The following SIRPG variants were observed in gnomAD, a reference collection of about 807,000 sequenced individuals.
SIRPG encodes the protein signal-regulatory protein gamma.
SIRPG carries 38 observed loss-of-function variants against 35.7 expected under a neutral mutation model. The ratio of observed to expected loss-of-function variants is 1.06; its 90% CI spans 0.82 to 1.40. SIRPG has a LOEUF of 1.40. SIRPG is among the 40% of genes most tolerant of loss of function. The pLI, the probability that SIRPG is intolerant of heterozygous loss-of-function variation, is 0.00. For synonymous variants in SIRPG, 215 were observed against 190.4 expected, an observed-to-expected ratio of 1.13 and a Z score of -1.06; for missense variants, 519 against 483.0, an observed-to-expected ratio of 1.07 and a Z score of -0.70.
the SIRPG span, among the ~76,000 whole-genome samples, chr20:1,674,307 G>A: frequency 6.6e-6 from 1 of 151,964 alleles, no homozygotes; most frequent in African/African-American, 2.4e-5. Context: ...GTATCCTTGA[G>A]GCCTGGAGAA....
intron 1 of SIRPG, among the ~76,000 whole-genome samples, chr20:1,650,576 G>A (rs1045189443): frequency 1.6e-4 from 24 of 152,084 alleles, no homozygotes; most frequent in Non-Finnish European, 2.6e-4. Flanking sequence ...ATGGAGTATA[G>A]TATAGAGAAC....
At chr20:1,634,731 C>G (rs1367332599) in intron 4 of SIRPG, among the ~76,000 whole-genome samples, 1 of 152,068 alleles carries the variant, frequency 6.6e-6, no homozygotes, top group Non-Finnish European at 1.5e-5. Context: ...CCCCTGCCTG[C>G]CTCTTTGCTC....
chr20:1,643,922 G>A (rs752362059), intron 2 of SIRPG, among the ~76,000 whole-genome samples: 16 of 152,108 alleles, frequency 1.1e-4, no homozygotes, highest in Middle Eastern at 3.2e-3. Context: ...GCTGGAGAAC[G>A]GCAAAGATGG....
chr20:1,643,405 T>C (rs1471045673), intron 2 of SIRPG, among the ~76,000 whole-genome samples: 1 of 152,160 alleles, frequency 6.6e-6, no homozygotes, highest in Non-Finnish European at 1.5e-5. Context: ...TTGTGCTACG[T>C]TTTTTAGCTC....
At chr20:1,640,370 A>G (rs2091842674) in intron 2 of SIRPG, among the ~76,000 whole-genome samples, 1 of 152,046 alleles carries the variant, frequency 6.6e-6, no homozygotes, top group Non-Finnish European at 1.5e-5. Context: ...CTTTGTACCA[A>G]TTGTGAATGG....
intron 1 of SIRPG, among the ~76,000 whole-genome samples, chr20:1,649,740 G>T (rs1390308836): frequency 6.9e-6 from 1 of 144,526 alleles, no homozygotes; most frequent in Non-Finnish European, 1.5e-5. Flanking sequence ...AGGTTCAAGT[G>T]ATCCTCCTAC....
At chr20:1,651,965 A>G (rs1232772864) in intron 1 of SIRPG, among the ~76,000 whole-genome samples, 3 of 152,216 alleles carry the variant, frequency 2.0e-5, no homozygotes, top group Non-Finnish European at 4.4e-5. Flanking sequence ...GCCAGTGGCA[A>G]TGTATTCTAC....
chr20:1,649,943 T>G (rs1038549518), intron 1 of SIRPG, among the ~76,000 whole-genome samples: 1 of 145,006 alleles, frequency 6.9e-6, no homozygotes, highest in Non-Finnish European at 1.5e-5. Context: ...GGGATTCAAT[T>G]TCAAGGTAGA....
intron 2 of SIRPG, chr20:1,648,494 C>T (rs934739964): frequency 6.6e-6 from 1 of 151,758 alleles, no homozygotes; most frequent in Non-Finnish European, 1.5e-5. Flanking sequence ...TGAATTTCTC[C>T]TCATTAGAAT....
the SIRPG span, among the ~76,000 whole-genome samples, chr20:1,667,580 A>G: frequency 6.6e-6 from 1 of 152,236 alleles, no homozygotes; most frequent in Non-Finnish European, 1.5e-5. Context: ...CGGGTTGTTC[A>G]TAAGGATAAG....
chr20:1,640,791 C>T (rs1014203691), intron 2 of SIRPG, among the ~76,000 whole-genome samples: 1 of 152,074 alleles, frequency 6.6e-6, no homozygotes, highest in Non-Finnish European at 1.5e-5. Flanking sequence ...CCGTTAATAC[C>T]TAATTTATTG....
chr20:1,659,116 AC>A (rs767207334), upstream of SIRPG, among the ~76,000 whole-genome samples: 19 of 152,362 alleles, frequency 1.2e-4, no homozygotes, highest in African/African-American at 3.4e-4. Flanking sequence ...AAGCAAAAAA[AC>A]ATGGCTATAA....
chr20:1,681,808 C>T, the SIRPG span, among the ~76,000 whole-genome samples: 7 of 152,092 alleles, frequency 4.6e-5, no homozygotes, highest in African/African-American at 1.7e-4. Context: ...TGCACTCCAG[C>T]CTGGGTGACA....
the SIRPG span, among the ~76,000 whole-genome samples, chr20:1,676,033 G>C: frequency 2.6e-5 from 4 of 152,286 alleles, no homozygotes; most frequent in South Asian, 8.3e-4. Context: ...ATGGCAAAGA[G>C]GAGTGAGCAC....
At position 1,630,187 on chromosome 20, in the gene SIRPG, C is replaced by T. The variant is rs1310547134; in HGVS notation, c.*2+35G>A. 4 of 1,492,702 alleles carry T rather than the reference C, an allele frequency of 2.7e-6. No homozygotes were observed. In the East Asian group the frequency reaches 7.4e-5, roughly 27 times the overall value. The allele number at this position is 1,492,702 out of a possible 1,614,324, so 92.5% of individuals were successfully genotyped here. On this transcript the variant is annotated intron_variant, in intron 5 of 5. Transcript: ENST00000303415. ...TCCTGTTGGCCTTGCCCTTCTGAGA[C>T]AGCCCTTGGTCTGTCCTCCCTTCCT...
the SIRPG span, among the ~76,000 whole-genome samples, chr20:1,677,895 G>A: frequency 6.6e-6 from 1 of 152,140 alleles, no homozygotes; most frequent in Admixed American, 6.6e-5. Context: ...ATTGAATTTA[G>A]TATTTTTGCT....
rs1188935483 is a variant in SIRPG, at chr20:1,649,351, G to T, written c.131C>A (p.Thr44Lys). 1.2e-6 allele frequency: 2 copies of T among 1,613,816 alleles called. No homozygotes were observed. Among genetic ancestry groups the T allele is most frequent in the Admixed American group, 3.3e-5 (2 of 59,984 alleles). Reference protein sequence around the residue: ...MIQPEKLLLVTVGKTATLHCT... With the variant: ...MIQPEKLLLVKVGKTATLHCT... The stretch of plus-strand genomic sequence containing the variant: ...GTGCAGAGTGGCTGTCTTTCCAACT[G>T]TGACCAACAGGAGCTTCTCAGGCTG... Residue 44 changes from threonine (T) to lysine (K), a missense_variant, in exon 2 of 6, where the codon ACA becomes AAA. Coordinates refer to ENST00000303415, the MANE Select transcript of SIRPG (RefSeq NM_018556.4).
chr20:1,659,771 C>G (rs943928378), upstream of SIRPG, among the ~76,000 whole-genome samples: 1 of 152,180 alleles, frequency 6.6e-6, no homozygotes, highest in African/African-American at 2.4e-5. Flanking sequence ...AGAGACATCC[C>G]TCAGGAAGAA....
At chr20:1,645,714 C>T (rs963258534) in intron 2 of SIRPG, among the ~76,000 whole-genome samples, 7 of 152,208 alleles carry the variant, frequency 4.6e-5, no homozygotes, top group Admixed American at 1.3e-4. Context: ...GGTCACAGAG[C>T]TAGAAAATGG....
Sources: allele counts gnomAD v4.1 joint callset (sites outside exome capture counted in the v4.1 genomes callset), GRCh38; gene constraint gnomAD v4.1.1; transcripts MANE v1.5; gene names NCBI Gene and HGNC (gene_info 2026-07-23, HGNC 2026-07-21).